Variants in KCNAB1 observed in about 807,000 individuals in gnomAD.
KCNAB1 encodes potassium voltage-gated channel subfamily A regulatory beta subunit 1, also known as voltage-gated potassium channel subunit beta-1.
Under a neutral mutation model 64.6 loss-of-function variants are expected in KCNAB1, and 35 were observed. The ratio of observed to expected loss-of-function variants is 0.54; its 90% CI spans 0.41 to 0.72. KCNAB1 has a LOEUF of 0.72. KCNAB1 is among the 30% of genes least tolerant of loss of function. The probability of loss-of-function intolerance (pLI) is 0.00; values close to 1 mark genes in which losing one functional copy is unlikely to be tolerated. For missense variants in KCNAB1, 401 were observed against 512.9 expected (o/e 0.78, Z 2.11); for synonymous variants, 177 against 183.8 (o/e 0.96, Z 0.30).
At chr3:156,279,725 GA>G (rs1372124025) in intron 1 of KCNAB1, among the ~76,000 whole-genome samples, 2 of 152,200 alleles carry the variant, frequency 1.3e-5, no homozygotes, top group African/African-American at 2.4e-5. Flanking sequence ...CAGTGATGAT[GA>G]GCATTTTTTC....
At chr3:156,235,548 G>A (rs1002480370) in intron 1 of KCNAB1, among the ~76,000 whole-genome samples, 1 of 152,200 alleles carries the variant, frequency 6.6e-6, no homozygotes, top group Non-Finnish European at 1.5e-5. Context: ...GGTGGCCCAC[G>A]TGGCTGACCC....
chr3:156,520,769 T>A (rs924629944), intron 11 of KCNAB1, among the ~76,000 whole-genome samples: 7 of 152,256 alleles, frequency 4.6e-5, no homozygotes, highest in African/African-American at 1.7e-4. Context: ...TACCTAGAGA[T>A]CTCAACCTCA....
intron 1 of KCNAB1, among the ~76,000 whole-genome samples, chr3:156,255,319 G>A (rs935378101): frequency 3.9e-5 from 6 of 152,222 alleles, no homozygotes; most frequent in African/African-American, 1.4e-4. Context: ...AGGGATGAAT[G>A]CACTACAGAT....
chr3:156,384,629 G>C (rs1331116411), intron 1 of KCNAB1, among the ~76,000 whole-genome samples: 1 of 152,222 alleles, frequency 6.6e-6, no homozygotes, highest in African/African-American at 2.4e-5. Flanking sequence ...TAGAGGCAGG[G>C]ATGGTTCATG....
intron 1 of KCNAB1, among the ~76,000 whole-genome samples, chr3:156,218,868 T>G (rs1715514846): frequency 6.7e-6 from 1 of 149,984 alleles, no homozygotes; most frequent in African/African-American, 2.4e-5. Flanking sequence ...TAAAAATCAC[T>G]GCAGTTTGGC....
At chr3:156,260,822 A>G (rs963079515) in intron 1 of KCNAB1, among the ~76,000 whole-genome samples, 1 of 152,168 alleles carries the variant, frequency 6.6e-6, no homozygotes, top group Non-Finnish European at 1.5e-5. Context: ...GACTTGCCAA[A>G]CTACTTTTCC....
At chr3:156,465,443 G>A (rs137979407) in intron 6 of KCNAB1, among the ~76,000 whole-genome samples, 200 bp from the exon 7 acceptor site, 1 of 152,270 alleles carries the variant, frequency 6.6e-6, no homozygotes, top group African/African-American at 2.4e-5. Context: ...CTTGGTGACA[G>A]TCGTGGATGA....
Position 156,325,615 on chromosome 3 carries a change from G to A in KCNAB1, c.276-96001G>A, listed in dbSNP as rs557597715. ...CATTTCTATATTAAAGAATGTAAGC[G>A]TTCAGCATAACATGAAAGTCTGAGA... On this transcript the variant is annotated intron_variant, in intron 1 of 13. Coordinates refer to ENST00000490337, the MANE Select transcript of KCNAB1 (RefSeq NM_172160.3). Among the ~76,000 whole-genome samples the A allele has an allele frequency of 6.7e-4, 102 of 151,310 alleles. 1 individual carries two copies. Among genetic ancestry groups the A allele is most frequent in the African/African-American group, 2.2e-3 (92 of 41,352 alleles).
chr3:156,334,206 G>C (rs944495827), intron 1 of KCNAB1, among the ~76,000 whole-genome samples: 7 of 152,012 alleles, frequency 4.6e-5, no homozygotes, highest in Non-Finnish European at 8.8e-5. Context: ...TTATTTTAAA[G>C]GAAAAAGAAC....
chr3:156,394,185 G>C, intron 1 of KCNAB1, among the ~76,000 whole-genome samples: 1 of 152,214 alleles, frequency 6.6e-6, no homozygotes, highest in East Asian at 1.9e-4. Flanking sequence ...ACAGAGACAG[G>C]ATTTGGCTTA....
At chr3:156,524,085 A>G in intron 12 of KCNAB1, 138 bp downstream of exon 12, 3 of 855,160 alleles carry the variant, frequency 3.5e-6, no homozygotes, top group Non-Finnish European at 5.1e-6. Flanking sequence ...CTCCTGCTAA[A>G]TATAAAGTGA....
chr3:156,208,481 T>C (rs1365954814), intron 1 of KCNAB1, among the ~76,000 whole-genome samples: 1 of 152,192 alleles, frequency 6.6e-6, no homozygotes, highest in African/African-American at 2.4e-5. Flanking sequence ...GCAGGAAGCA[T>C]GTTCATTAAT....
At chr3:156,195,666 C>A (rs1472412007) in intron 1 of KCNAB1, among the ~76,000 whole-genome samples, 1 of 152,104 alleles carries the variant, frequency 6.6e-6, no homozygotes, top group Non-Finnish European at 1.5e-5. Flanking sequence ...TGTTTAAGTT[C>A]TTTGTAGATT....
At chr3:156,388,879 C>G (rs1712814303) in intron 1 of KCNAB1, among the ~76,000 whole-genome samples, 1 of 152,206 alleles carries the variant, frequency 6.6e-6, no homozygotes, top group South Asian at 2.1e-4. Context: ...TTTGACAAGT[C>G]TGTCCTTTCA....
intron 1 of KCNAB1, among the ~76,000 whole-genome samples, chr3:156,184,510 A>G (rs1488857831): frequency 1.3e-5 from 2 of 152,342 alleles, no homozygotes; most frequent in East Asian, 3.9e-4. Context: ...GCTAAAAAGA[A>G]GTTGCCAGTG....
At chr3:156,136,509 C>T (rs1315421912) in intron 1 of KCNAB1, among the ~76,000 whole-genome samples, 1 of 152,210 alleles carries the variant, frequency 6.6e-6, no homozygotes. Context: ...ACCCTGCAAG[C>T]ATTACTTCAG....
At chr3:156,528,593 A>G (rs145311620) in intron 12 of KCNAB1, among the ~76,000 whole-genome samples, 191 of 152,330 alleles carry the variant, frequency 1.3e-3, no homozygotes, top group Middle Eastern at 3.4e-3. Flanking sequence ...GGAGCAGGCA[A>G]TACCTTTGGG....
intron 1 of KCNAB1, among the ~76,000 whole-genome samples, chr3:156,222,017 A>T (rs894013244): frequency 6.6e-6 from 1 of 152,168 alleles, no homozygotes; most frequent in African/African-American, 2.4e-5. Flanking sequence ...TTAAAAAACA[A>T]AACAAAACAA....
intron 1 of KCNAB1, chr3:156,176,658 C>T: frequency 1.9e-6 from 2 of 1,040,684 alleles, no homozygotes; most frequent in Non-Finnish European, 3.0e-6. Flanking sequence ...TCAAATCCTG[C>T]AGATGCTAAG....
Sources: gnomAD v4.1 joint callset for allele counts (sites outside exome capture counted in the v4.1 genomes callset) on GRCh38, gnomAD v4.1.1 for gene constraint, MANE v1.5 for transcripts, NCBI Gene and HGNC (gene_info 2026-07-23, HGNC 2026-07-21) for gene names.